Variants in SETBP1 observed in about 807,000 individuals in gnomAD.
SETBP1 encodes the protein SET-binding protein.
SETBP1 carries 9 observed loss-of-function variants against 101.0 expected under a neutral mutation model. The observed-to-expected ratio is 0.09, with a 90% CI of 0.05 to 0.16. The LOEUF (loss-of-function observed/expected upper bound fraction) is 0.16, where lower values mean the gene tolerates loss of function less well. Ranked by LOEUF, SETBP1 falls within the 10% of genes least tolerant of loss-of-function variation. The pLI, the probability that SETBP1 is intolerant of heterozygous loss-of-function variation, is 1.00. For synonymous variants in SETBP1, 818 were observed against 788.5 expected, an observed-to-expected ratio of 1.04 and a Z score of -0.63; for missense variants, 1,858 against 2,033.8, an observed-to-expected ratio of 0.91 and a Z score of 1.66.
chr18:44,822,615 C>T (rs1599175810), intron 2 of SETBP1, among the ~76,000 whole-genome samples: 1 of 152,114 alleles, frequency 6.6e-6, no homozygotes, highest in African/African-American at 2.4e-5. Context: ...TTCTGCTAAC[C>T]CTATTCACCA....
intron 1 of SETBP1, among the ~76,000 whole-genome samples, chr18:44,700,056 G>A (rs901025590): frequency 1.3e-5 from 2 of 152,184 alleles, no homozygotes; most frequent in African/African-American, 4.8e-5. Context: ...GTGTGATCCA[G>A]CGTACAGCCT....
At chr18:44,932,252 T>C (rs1218071087) in intron 3 of SETBP1, among the ~76,000 whole-genome samples, 3 of 152,230 alleles carry the variant, frequency 2.0e-5, no homozygotes, top group African/African-American at 7.2e-5. Context: ...TCTTTAAGAA[T>C]GTTGAATATT....
intron 4 of SETBP1, among the ~76,000 whole-genome samples, chr18:45,005,732 C>A (rs1265488834): frequency 1.3e-5 from 2 of 150,304 alleles, no homozygotes; most frequent in African/African-American, 2.5e-5. Context: ...CTGCAAGCCC[C>A]ACCTTCCGGG....
chr18:44,875,535 A>AAAAG (rs2069382116), intron 3 of SETBP1, among the ~76,000 whole-genome samples: 1 of 150,866 alleles, frequency 6.6e-6, no homozygotes, highest in Admixed American at 6.6e-5. Context: ...CTCAAAAAAA[A>AAAAG]AAAAAAAAAA....
chr18:45,012,574 G>A (rs2072861351), intron 4 of SETBP1, among the ~76,000 whole-genome samples: 1 of 152,128 alleles, frequency 6.6e-6, no homozygotes, highest in Non-Finnish European at 1.5e-5. Flanking sequence ...AGCCCTGGGA[G>A]GAGCCATCTC....
intron 4 of SETBP1, among the ~76,000 whole-genome samples, chr18:44,957,541 A>C (rs895134596): frequency 6.6e-6 from 1 of 152,160 alleles, no homozygotes; most frequent in African/African-American, 2.4e-5. Context: ...AGATATCCAA[A>C]TTCTGCCATG....
intron 2 of SETBP1, among the ~76,000 whole-genome samples, chr18:44,748,844 G>T (rs955776998): frequency 8.5e-5 from 13 of 152,278 alleles, no homozygotes; most frequent in African/African-American, 3.1e-4. Flanking sequence ...AGACATATTT[G>T]CACATTCTCT....
At chr18:44,896,438 G>A (rs150842182) in intron 3 of SETBP1, among the ~76,000 whole-genome samples, 2 of 152,190 alleles carry the variant, frequency 1.3e-5, no homozygotes, top group East Asian at 3.9e-4. Context: ...ATTCTTCTGT[G>A]CCTTGGCCCT....
intron 2 of SETBP1, among the ~76,000 whole-genome samples, chr18:44,794,714 A>G (rs902218010): frequency 1.4e-4 from 22 of 152,166 alleles, no homozygotes; most frequent in African/African-American, 5.1e-4. Flanking sequence ...TCAAATAAAC[A>G]ACAGGAAGAT....
intron 1 of SETBP1, among the ~76,000 whole-genome samples, chr18:44,689,565 T>C (rs1011504330): frequency 1.3e-5 from 2 of 152,138 alleles, no homozygotes; most frequent in African/African-American, 4.8e-5. Flanking sequence ...TGAAAGATGC[T>C]CTAAGAGCCC....
At chr18:45,027,052 T>C (rs766733906) in intron 4 of SETBP1, among the ~76,000 whole-genome samples, 19 of 152,198 alleles carry the variant, frequency 1.2e-4, no homozygotes, top group Non-Finnish European at 2.6e-4. Context: ...TACCTCTCCA[T>C]TCTAAATGAT....
chr18:44,845,455 G>T (rs952170750), intron 2 of SETBP1, among the ~76,000 whole-genome samples: 2 of 152,142 alleles, frequency 1.3e-5, no homozygotes, highest in Non-Finnish European at 2.9e-5. Context: ...TCCCATTTAG[G>T]GTACCAAGAT....
chr18:44,957,164 G>A (rs1317530288), intron 4 of SETBP1, among the ~76,000 whole-genome samples: 2 of 152,124 alleles, frequency 1.3e-5, no homozygotes, highest in African/African-American at 4.8e-5. Context: ...ACATTTAGCA[G>A]AGGGCCAGAA....
intron 3 of SETBP1, among the ~76,000 whole-genome samples, chr18:44,928,263 T>C (rs1416025701): frequency 3.3e-5 from 5 of 152,172 alleles, no homozygotes; most frequent in Non-Finnish European, 7.4e-5. Context: ...ATGAACTCAT[T>C]CTTTTTTATG....
rs977822294 is a variant in SETBP1 at position 45,006,202 on chromosome 18, T to G, written c.4001-32283T>G. ...CTCTTGACCTCATGATCCTCCCACC[T>G]TGGCCTCCTGAAGTGCTGGGATTAC... is the stretch of plus-strand genomic sequence containing the variant. On this transcript the variant is annotated intron_variant, in intron 4 of 5. Transcript: ENST00000649279. Among the ~76,000 whole-genome samples, 38 of 152,226 alleles carry G rather than the reference T, an allele frequency of 2.5e-4. 1 individual carries two copies. Among genetic ancestry groups the G allele is most frequent in the African/African-American group, 8.2e-4 (34 of 41,550 alleles).
chr18:44,693,319 CAGGTCTT>C (rs2068964359), intron 1 of SETBP1, among the ~76,000 whole-genome samples: 1 of 152,126 alleles, frequency 6.6e-6, no homozygotes, highest in Admixed American at 6.5e-5. Context: ...CAAATAGGCA[CAGGTCTT>C]ACCCTTCAAG....
intron 3 of SETBP1, among the ~76,000 whole-genome samples, chr18:44,884,188 C>T (rs1047008553): frequency 6.6e-6 from 1 of 152,210 alleles, no homozygotes; most frequent in African/African-American, 2.4e-5. Flanking sequence ...TGAATCACAG[C>T]TTCAACACTG....
chr18:44,758,191 C>T (rs1187258974), intron 2 of SETBP1, among the ~76,000 whole-genome samples: 1 of 152,152 alleles, frequency 6.6e-6, no homozygotes, highest in Non-Finnish European at 1.5e-5. Context: ...GATGTCAGGA[C>T]ACCCCAGAGC....
At position 44,776,779 on chromosome 18, in the gene SETBP1, CAT is replaced by C. The variant is rs148430536; in HGVS notation, c.486+74948_486+74949del. On this transcript the variant is annotated intron_variant, in intron 2 of 5. Coordinates refer to ENST00000649279, the MANE Select transcript of SETBP1 (RefSeq NM_015559.3). ...GGCTTAGGTGTTCCTATGGAGCACA[CAT>C]GTGTTCACAGATGCCCATCTCTGAT... Among the ~76,000 whole-genome samples the C allele has an allele frequency of 1.0e-2, 1,517 of 152,290 alleles. 23 individuals carry two copies. The highest frequency in any genetic ancestry group is 0.034 in the African/African-American group (1,417 of 41,552).
Sources: gnomAD v4.1 joint callset for allele counts (sites outside exome capture counted in the v4.1 genomes callset) on GRCh38, gnomAD v4.1.1 for gene constraint, MANE v1.5 for transcripts, NCBI Gene and HGNC (gene_info 2026-07-23, HGNC 2026-07-21) for gene names.